The following GULP1 variants were observed in gnomAD, a reference collection of about 807,000 sequenced individuals.
GULP1 encodes the protein PTB domain-containing engulfment adapter protein 1.
In GULP1, 19 loss-of-function variants were observed where a neutral mutation model predicts 40.9. The observed-to-expected ratio is 0.46, with a 90% CI of 0.32 to 0.68. GULP1 has a LOEUF of 0.68. Ranked by LOEUF, GULP1 falls within the 30% of genes least tolerant of loss-of-function variation. GULP1 has a pLI of 0.03. For synonymous variants in GULP1, 119 were observed against 117.6 expected (o/e 1.01, Z -0.08); for missense variants, 312 against 362.2 (o/e 0.86, Z 1.12).
chr2:188,498,715 C>G (rs2063137645), intron 4 of GULP1, among the ~76,000 whole-genome samples: 1 of 151,584 alleles, frequency 6.6e-6, no homozygotes, highest in African/African-American at 2.4e-5. Context: ...TTTCAAATAG[C>G]TAGAAGGAGG....
At chr2:188,416,628 T>C (rs67750782) in intron 2 of GULP1, among the ~76,000 whole-genome samples, 26,666 of 152,084 alleles carry the variant, frequency 0.18, 2,409 homozygotes, top group East Asian at 0.24. Context: ...AATCAGAACC[T>C]TGGCATGGAT....
At chr2:188,503,377 A>G (rs2063610890) in intron 4 of GULP1, among the ~76,000 whole-genome samples, 1 of 151,712 alleles carries the variant, frequency 6.6e-6, no homozygotes, top group Admixed American at 6.6e-5. Context: ...CACAGCAGAA[A>G]GCGAAGGGGA....
At position 188,534,899 on chromosome 2, in the gene GULP1, T is replaced by G. The variant is rs143273655; in HGVS notation, c.261+5704T>G. 8.1e-3 allele frequency among the ~76,000 whole-genome samples: 1,235 copies of G among 152,070 alleles called. 6 individuals carry two copies. The highest frequency in any genetic ancestry group is 0.014 in the Non-Finnish European group (933 of 67,948). ...GAAGTGGGGTTCAACTCAACATGATTAGCCAGTTGACTTCATTATCCTATA... is the reference window on the plus strand; with the variant it reads ...GAAGTGGGGTTCAACTCAACATGATGAGCCAGTTGACTTCATTATCCTATA... On this transcript the variant is annotated intron_variant, in intron 6 of 11. Transcript: ENST00000409830.
At chr2:188,421,308 T>C (rs997754816) in intron 2 of GULP1, among the ~76,000 whole-genome samples, 3 of 152,198 alleles carry the variant, frequency 2.0e-5, no homozygotes, top group African/African-American at 7.2e-5. Context: ...CCTATGCCTG[T>C]ATAAATTATA....
At chr2:188,551,435 T>C (rs1693418413) in intron 7 of GULP1, among the ~76,000 whole-genome samples, 1 of 151,792 alleles carries the variant, frequency 6.6e-6, no homozygotes, top group South Asian at 2.1e-4. Flanking sequence ...TGTCTTTTTG[T>C]GCCTTATTTA....
At chr2:188,484,854 G>A (rs1373220675) in intron 4 of GULP1, among the ~76,000 whole-genome samples, 1 of 152,026 alleles carries the variant, frequency 6.6e-6, no homozygotes, top group African/African-American at 2.4e-5. Context: ...TATTTTCTGT[G>A]TAAACATATT....
At chr2:188,541,603 T>C in intron 7 of GULP1, 1 of 538,694 alleles carries the variant, frequency 1.9e-6, no homozygotes, top group Non-Finnish European at 3.2e-6. Context: ...TTTATAATAA[T>C]TTAATCTATT....
chr2:188,296,286 G>C (rs13382200), intron 1 of GULP1, among the ~76,000 whole-genome samples: 22,816 of 152,038 alleles, frequency 0.15, 1,851 homozygotes, highest in Middle Eastern at 0.17. Context: ...TTGAAATCAG[G>C]CCTTTATTTT....
At chr2:188,577,760 ATCT>A (rs1472966721) in intron 9 of GULP1, among the ~76,000 whole-genome samples, 2 of 152,088 alleles carry the variant, frequency 1.3e-5, no homozygotes, top group Non-Finnish European at 1.5e-5. Flanking sequence ...AAAAACACAG[ATCT>A]TCTGCTGTAA....
chr2:188,385,317 C>T (rs1366138434), intron 2 of GULP1, among the ~76,000 whole-genome samples: 2 of 152,124 alleles, frequency 1.3e-5, no homozygotes, highest in Non-Finnish European at 2.9e-5. Context: ...TCTAAAGCAA[C>T]AGCCAAGCCA....
intron 4 of GULP1, among the ~76,000 whole-genome samples, chr2:188,487,221 A>C (rs570946445): frequency 6.6e-6 from 1 of 152,100 alleles, no homozygotes; most frequent in Non-Finnish European, 1.5e-5. Context: ...ATTGTGACAA[A>C]TGTTTCATTG....
chr2:188,507,429 A>G (rs1353037931), intron 4 of GULP1, among the ~76,000 whole-genome samples: 2 of 143,102 alleles, frequency 1.4e-5, no homozygotes, highest in Admixed American at 7.3e-5. Context: ...TGTGGCAAGC[A>G]GTATCCATAA....
chr2:188,352,321 T>A (rs1290114853), intron 1 of GULP1, among the ~76,000 whole-genome samples: 1 of 152,144 alleles, frequency 6.6e-6, no homozygotes, highest in Non-Finnish European at 1.5e-5. Context: ...TCTGCCTAGC[T>A]GCATGAGCTG....
intron 4 of GULP1, among the ~76,000 whole-genome samples, chr2:188,496,494 T>A (rs2062909080): frequency 6.6e-6 from 1 of 151,916 alleles, no homozygotes; most frequent in African/African-American, 2.4e-5. Context: ...CAGAAACTTC[T>A]GGGGAAAAAA....
chr2:188,474,696 T>G (rs1205631590), intron 2 of GULP1, among the ~76,000 whole-genome samples: 1 of 152,152 alleles, frequency 6.6e-6, no homozygotes, highest in Non-Finnish European at 1.5e-5. Flanking sequence ...GCTCATCTGA[T>G]GTTTGATTCT....
At chr2:188,391,726 G>A (rs1187563845) in intron 2 of GULP1, among the ~76,000 whole-genome samples, 1 of 151,972 alleles carries the variant, frequency 6.6e-6, no homozygotes, top group Non-Finnish European at 1.5e-5. Context: ...TCCCCATTCA[G>A]TATGATTTGG....
chr2:188,476,310 A>G (rs1575494485), intron 2 of GULP1, among the ~76,000 whole-genome samples: 1 of 152,118 alleles, frequency 6.6e-6, no homozygotes, highest in South Asian at 2.1e-4. Flanking sequence ...GGGGGAAGCT[A>G]TTTCCAGAAT....
chr2:188,404,266 A>G (rs1240420801), intron 2 of GULP1, among the ~76,000 whole-genome samples: 1 of 152,194 alleles, frequency 6.6e-6, no homozygotes, highest in African/African-American at 2.4e-5. Flanking sequence ...CCCCACTGAA[A>G]TAACAATTTG....
chr2:188,447,952 G>A (rs2058532530), intron 2 of GULP1, among the ~76,000 whole-genome samples: 1 of 152,156 alleles, frequency 6.6e-6, no homozygotes, highest in South Asian at 2.1e-4. Context: ...TAAAGTATCA[G>A]TAATTGATAC....
Sources: allele counts gnomAD v4.1 joint callset (sites outside exome capture counted in the v4.1 genomes callset), GRCh38; gene constraint gnomAD v4.1.1; transcripts MANE v1.5; gene names NCBI Gene and HGNC (gene_info 2026-07-23, HGNC 2026-07-21).